Variants in SEPTIN11 observed in about 807,000 individuals in gnomAD.
The protein encoded by SEPTIN11 is septin 11.
A neutral mutation model predicts 51.4 loss-of-function variants in SEPTIN11; 25 were observed. That is an observed-to-expected ratio of 0.49 (90% CI 0.35 to 0.68). The LOEUF is 0.68. Ranked by LOEUF, SEPTIN11 falls within the 30% of genes least tolerant of loss-of-function variation. SEPTIN11 has a pLI of 0.00. For synonymous variants in SEPTIN11, 174 were observed against 184.1 expected (o/e 0.95, Z 0.44); for missense variants, 381 against 520.8 (o/e 0.73, Z 2.61).
chr4:76,994,683 C>T (rs1230529034), intron 1 of SEPTIN11, among the ~76,000 whole-genome samples: 2 of 152,124 alleles, frequency 1.3e-5, no homozygotes, highest in Admixed American at 1.3e-4. Context: ...CTGATATGGA[C>T]TTTAGACATT....
rs1560757097 is a variant in SEPTIN11 at position 77,036,701 on chromosome 4, C to G, written c.*2189C>G. The stretch of plus-strand genomic sequence containing the variant: ...TCTGAACTTTTTTCTGCCACTGCTC[C>G]CTAGCCCTGTTTAGTTTGTTATTGC... On this transcript the variant is annotated 3_prime_UTR_variant, in exon 10 of 10. Transcript: ENST00000264893. 4.6e-6 allele frequency: 7 copies of G among 1,534,970 alleles called. No homozygotes were observed. Among genetic ancestry groups the G allele is most frequent in the Non-Finnish European group, 6.1e-6 (7 of 1,146,580 alleles).
At chr4:76,959,986 G>C (rs1297684655) in intron 1 of SEPTIN11, among the ~76,000 whole-genome samples, 1 of 152,160 alleles carries the variant, frequency 6.6e-6, no homozygotes, top group Non-Finnish European at 1.5e-5. Flanking sequence ...TATCCTTTGT[G>C]TTTCCAACAA....
At chr4:76,996,639 A>G in intron 2 of SEPTIN11, 100 bp downstream of exon 2, 1 of 869,580 alleles carries the variant, frequency 1.1e-6, no homozygotes, top group South Asian at 1.6e-5. Context: ...TGACATGTTT[A>G]TTCTCTTTCT....
At chr4:77,022,662 G>C (rs1327392478) in intron 7 of SEPTIN11, among the ~76,000 whole-genome samples, 1 of 152,152 alleles carries the variant, frequency 6.6e-6, no homozygotes, top group Non-Finnish European at 1.5e-5. Flanking sequence ...TCATAACTTG[G>C]AGCCTGTGAA....
Position 77,036,470 on chromosome 4 carries a change from T to C in SEPTIN11, c.*1958T>C, listed in dbSNP as rs973537827. ...TGTGGCTTGTACAGAAAGTACACTT[T>C]TAAATTGTCTCTTGCATCACTAAAA... On this transcript the variant is annotated 3_prime_UTR_variant, in exon 10 of 10. Transcript: ENST00000264893. 7.9e-7 allele frequency: 1 copy of C among 1,260,148 alleles called. No homozygotes were observed. The highest frequency in any genetic ancestry group is 1.0e-6 in the Non-Finnish European group (1 of 997,068). The allele number at this position is 1,260,148 out of a possible 1,614,324, so 78.1% of individuals were successfully genotyped here. A position where few individuals can be genotyped will look rare whatever the true frequency, so the allele number is the denominator to read the frequency against.
intron 1 of SEPTIN11, among the ~76,000 whole-genome samples, chr4:76,975,827 G>A (rs144558425): frequency 3.7e-4 from 56 of 152,318 alleles, no homozygotes; most frequent in African/African-American, 1.1e-3. Context: ...TCTTCTCTAA[G>A]GAGGAGTTCT....
chr4:76,970,750 T>G (rs1370268815), intron 1 of SEPTIN11, among the ~76,000 whole-genome samples: 1 of 152,226 alleles, frequency 6.6e-6, no homozygotes, highest in Admixed American at 6.5e-5. Context: ...CAGTGACTGG[T>G]GAGGCAGCCT....
At chr4:76,949,958 C>G (rs1721246925) in intron 1 of SEPTIN11, 28 bp downstream of exon 1, 1 of 1,447,690 alleles carries the variant, frequency 6.9e-7, no homozygotes, top group African/African-American at 1.5e-5. Flanking sequence ...GCCTGCTGCT[C>G]CTCGGGCGCC....
chr4:77,001,011 G>C (rs1300971577), intron 2 of SEPTIN11, among the ~76,000 whole-genome samples: 1 of 152,144 alleles, frequency 6.6e-6, no homozygotes, highest in Non-Finnish European at 1.5e-5. Flanking sequence ...TCAACAATTT[G>C]TTCAATCTAC....
chr4:76,955,143 T>A (rs1721506884), intron 1 of SEPTIN11, among the ~76,000 whole-genome samples: 1 of 152,270 alleles, frequency 6.6e-6, no homozygotes, highest in African/African-American at 2.4e-5. Context: ...AGGTTAGAGA[T>A]TGAAAAACAA....
intron 9 of SEPTIN11, among the ~76,000 whole-genome samples, chr4:77,033,812 TA>T (rs34728036): frequency 2.0e-5 from 3 of 151,910 alleles, no homozygotes; most frequent in African/African-American, 7.3e-5. Context: ...ACTCATCTTT[TA>T]AAAAAAAATC....
rs568821730 is a variant in SEPTIN11, at chr4:77,026,078, C to T, written c.954-2551C>T. Among the ~76,000 whole-genome samples the T allele has an allele frequency of 8.5e-5, 13 of 152,244 alleles. No individual in the cohort carries two copies. The South Asian group carries it at 1.9e-3, about 22-fold the overall frequency. On this transcript the variant is annotated intron_variant, in intron 7 of 9. Transcript: ENST00000264893. ...TAATGCCTACTCTTAAACTTTTTAACGTACTGGTTAAGACCCACAACTGAG... is the reference window on the plus strand; with the variant it reads ...TAATGCCTACTCTTAAACTTTTTAATGTACTGGTTAAGACCCACAACTGAG...
chr4:77,014,663 A>C (rs543447490), intron 4 of SEPTIN11, among the ~76,000 whole-genome samples, 193 bp from the exon 5 acceptor site: 77 of 23,744 alleles, frequency 3.2e-3, no homozygotes, highest in Admixed American at 7.0e-3. Flanking sequence ...CTCTACCCCA[A>C]AAAAAAAAAA....
chr4:77,003,054 T>C (rs1457945570), intron 2 of SEPTIN11, among the ~76,000 whole-genome samples: 1 of 152,224 alleles, frequency 6.6e-6, no homozygotes, highest in African/African-American at 2.4e-5. Flanking sequence ...TTCTGTTTAC[T>C]TACACAGCCT....
At chr4:76,980,548 G>A (rs1413174352) in intron 1 of SEPTIN11, among the ~76,000 whole-genome samples, 1 of 152,212 alleles carries the variant, frequency 6.6e-6, no homozygotes, top group Non-Finnish European at 1.5e-5. Flanking sequence ...ATTTGGTGCA[G>A]TTGTGGCAAA....
intron 1 of SEPTIN11, among the ~76,000 whole-genome samples, chr4:76,979,580 GT>G (rs1421981133): frequency 6.6e-6 from 1 of 152,048 alleles, no homozygotes; most frequent in African/African-American, 2.4e-5. Flanking sequence ...AAATGGGAAG[GT>G]TTTTAAAAGG....
In SEPTIN11 at chr4:76,964,702, G is replaced by A. The variant is rs905058957; in HGVS notation, c.27+14772G>A. 5.3e-5 allele frequency among the ~76,000 whole-genome samples: 8 copies of A among 152,320 alleles called. No homozygotes were observed. The South Asian group carries it at 1.2e-3, about 24-fold the overall frequency. On this transcript the variant is annotated intron_variant, in intron 1 of 9. Transcript: ENST00000264893. The stretch of plus-strand genomic sequence containing the variant: ...ATCAAAAAGCCAAGTTGGAACTCAC[G>A]TGGAAGTTACTGTGCCAGGCCTCGC...
intron 5 of SEPTIN11, 42 bp from the exon 6 acceptor site, chr4:77,019,123 G>A (rs755354868): frequency 1.0e-5 from 16 of 1,566,558 alleles, no homozygotes; most frequent in Non-Finnish European, 1.3e-5. Context: ...CAGTCTGTCA[G>A]AGCAGGGGAA....
chr4:76,964,199 T>C (rs1053886253), intron 1 of SEPTIN11, among the ~76,000 whole-genome samples: 2 of 152,140 alleles, frequency 1.3e-5, no homozygotes, highest in African/African-American at 4.8e-5. Flanking sequence ...AAACTTTTTT[T>C]AATTAACAAA....
Sources: allele counts gnomAD v4.1 joint callset (sites outside exome capture counted in the v4.1 genomes callset), GRCh38; gene constraint gnomAD v4.1.1; transcripts MANE v1.5; gene names NCBI Gene and HGNC (gene_info 2026-07-23, HGNC 2026-07-21).